The following SORBS2 variants were observed in gnomAD, a reference collection of about 807,000 sequenced individuals.
SORBS2 encodes the protein sorbin and SH3 domain containing 2.
SORBS2 carries 46 observed loss-of-function variants against 97.7 expected under a neutral mutation model. That is an observed-to-expected ratio of 0.47 (90% CI 0.37 to 0.60). The LOEUF is 0.60. Ranked by LOEUF, SORBS2 falls within the 20% of genes least tolerant of loss-of-function variation. The pLI is 0.00. For synonymous variants in SORBS2, 476 were observed against 473.4 expected, an observed-to-expected ratio of 1.01 and a Z score of -0.07; for missense variants, 1,316 against 1,282.3, an observed-to-expected ratio of 1.03 and a Z score of -0.40.
chr4:185,779,713 G>A (rs2099017924), intron 1 of SORBS2, among the ~76,000 whole-genome samples: 1 of 152,184 alleles, frequency 6.6e-6, no homozygotes, highest in African/African-American at 2.4e-5. Flanking sequence ...TTTGAAGAGT[G>A]AGTTGTGCTA....
intron 1 of SORBS2, among the ~76,000 whole-genome samples, chr4:185,807,706 G>A (rs1041298622): frequency 6.6e-6 from 1 of 152,176 alleles, no homozygotes; most frequent in African/African-American, 2.4e-5. Context: ...TCCATGTCTT[G>A]AGTTTTTCAG....
chr4:185,778,933 G>A (rs1383427646), intron 1 of SORBS2, among the ~76,000 whole-genome samples: 1 of 152,170 alleles, frequency 6.6e-6, no homozygotes, highest in East Asian at 1.9e-4. Context: ...TTAAATAAAC[G>A]AGCACGCCAA....
At chr4:185,781,126 CG>C (rs1328514596) in intron 1 of SORBS2, among the ~76,000 whole-genome samples, 1 of 151,904 alleles carries the variant, frequency 6.6e-6, no homozygotes, top group Non-Finnish European at 1.5e-5. Context: ...TTAGTAGAGA[CG>C]GGTTTCACCA....
intron 1 of SORBS2, among the ~76,000 whole-genome samples, chr4:185,904,246 G>T (rs1193954017): frequency 6.6e-6 from 1 of 152,180 alleles, no homozygotes; most frequent in Non-Finnish European, 1.5e-5. Context: ...AGAGCAGCAG[G>T]ATCTTCGTCT....
At chr4:185,728,246 C>T (rs2098578355) in intron 2 of SORBS2, among the ~76,000 whole-genome samples, 1 of 152,024 alleles carries the variant, frequency 6.6e-6, no homozygotes, top group Non-Finnish European at 1.5e-5. Context: ...CTGGACAGAA[C>T]CTGACCAGGA....
intron 4 of SORBS2, among the ~76,000 whole-genome samples, chr4:185,674,426 C>T (rs2097764052): frequency 6.6e-6 from 1 of 152,174 alleles, no homozygotes; most frequent in African/African-American, 2.4e-5. Flanking sequence ...CTTTGAGCCC[C>T]ATCATTTCTT....
At chr4:185,840,304 G>A (rs2099210715) in intron 1 of SORBS2, among the ~76,000 whole-genome samples, 1 of 152,190 alleles carries the variant, frequency 6.6e-6, no homozygotes, top group Non-Finnish European at 1.5e-5. Flanking sequence ...GGTATGGAAT[G>A]CCTGCTTGTT....
intron 1 of SORBS2, among the ~76,000 whole-genome samples, chr4:185,825,556 G>A (rs78912202): frequency 0.015 from 2,316 of 152,308 alleles, 33 homozygotes; most frequent in East Asian, 0.046. Context: ...GAAGGAAATG[G>A]TGATGTTCCC....
chr4:185,628,922 A>T (rs1345683977), intron 5 of SORBS2, among the ~76,000 whole-genome samples: 2 of 152,262 alleles, frequency 1.3e-5, no homozygotes, highest in Admixed American at 6.5e-5. Context: ...GAATGAAGCC[A>T]CATATGGCAC....
intron 2 of SORBS2, among the ~76,000 whole-genome samples, chr4:185,689,591 A>C (rs1170801461): frequency 6.6e-6 from 1 of 152,138 alleles, no homozygotes; most frequent in East Asian, 1.9e-4. Context: ...CATCCCCAGG[A>C]GCCCGCCCGC....
chr4:185,814,581 T>A (rs28716512), intron 1 of SORBS2, among the ~76,000 whole-genome samples: 89 of 149,930 alleles, frequency 5.9e-4, no homozygotes, highest in African/African-American at 2.0e-3. Context: ...AACAAACAAA[T>A]ATCTGAAGTC....
intron 2 of SORBS2, among the ~76,000 whole-genome samples, chr4:185,733,736 C>G (rs981282184): frequency 1.3e-5 from 2 of 152,172 alleles, no homozygotes; most frequent in Non-Finnish European, 2.9e-5. Context: ...CTATTCCACT[C>G]TGAAATAAGG....
intron 1 of SORBS2, among the ~76,000 whole-genome samples, chr4:185,816,925 G>A (rs2099193586): frequency 1.3e-5 from 2 of 152,204 alleles, no homozygotes; most frequent in South Asian, 4.1e-4. Context: ...TAGCCCATTA[G>A]TTGTTCCTAG....
At chr4:185,851,032 G>C (rs1446631276) in intron 1 of SORBS2, among the ~76,000 whole-genome samples, 1 of 152,130 alleles carries the variant, frequency 6.6e-6, no homozygotes, top group African/African-American at 2.4e-5. Context: ...GGCTTTCCTG[G>C]TTCTCCAGCT....
At chr4:185,641,771 A>AC (rs1343430024) in intron 4 of SORBS2, among the ~76,000 whole-genome samples, 3 of 151,224 alleles carry the variant, frequency 2.0e-5, no homozygotes, top group African/African-American at 7.3e-5. Flanking sequence ...AAAAAAAAAA[A>AC]AAAACCCACC....
At chr4:185,636,966 C>A (rs1343894830) in intron 4 of SORBS2, among the ~76,000 whole-genome samples, 2 of 152,178 alleles carry the variant, frequency 1.3e-5, no homozygotes, top group Admixed American at 1.3e-4. Context: ...CTCTTTATCC[C>A]AAACAGGCTA....
At chr4:185,923,665 C>T (rs185303695) in intron 1 of SORBS2, among the ~76,000 whole-genome samples, 1 of 151,946 alleles carries the variant, frequency 6.6e-6, no homozygotes, top group Admixed American at 6.6e-5. Context: ...TGGCAATGAG[C>T]ATTCGTTTGC....
chr4:185,767,718 T>G (rs1024179910), intron 2 of SORBS2, among the ~76,000 whole-genome samples: 2 of 152,164 alleles, frequency 1.3e-5, no homozygotes, highest in Non-Finnish European at 2.9e-5. Flanking sequence ...TGGTCTCATC[T>G]TATTTCAAGT....
intron 2 of SORBS2, among the ~76,000 whole-genome samples, chr4:185,685,764 C>T (rs1162305388): frequency 6.6e-6 from 1 of 152,212 alleles, no homozygotes; most frequent in Non-Finnish European, 1.5e-5. Context: ...CTCAAGGGCT[C>T]TTTCCGCCTC....
Sources: allele counts gnomAD v4.1 joint callset (sites outside exome capture counted in the v4.1 genomes callset), GRCh38; gene constraint gnomAD v4.1.1; transcripts MANE v1.5; gene names NCBI Gene and HGNC (gene_info 2026-07-23, HGNC 2026-07-21).